Variants in AGAP1 observed in about 807,000 individuals in gnomAD.
AGAP1 encodes ArfGAP with GTPase domain, ankyrin repeat and PH domain 1.
Under a neutral mutation model 105.3 loss-of-function variants are expected in AGAP1, and 29 were observed. The ratio of observed to expected loss-of-function variants is 0.28; its 90% confidence interval spans 0.21 to 0.38. AGAP1 has a LOEUF of 0.38. Ranked by LOEUF, AGAP1 falls within the 10% of genes least tolerant of loss-of-function variation. The pLI is 1.00. For synonymous variants in AGAP1, 509 were observed against 485.9 expected (o/e 1.05, Z -0.63); for missense variants, 998 against 1,165.1 (o/e 0.86, Z 2.09).
rs956286600 is a variant in AGAP1, at chr2:236,104,905, A to G, written c.2115-15287A>G. On this transcript the variant is annotated intron_variant, in intron 16 of 17. Transcript: ENST00000304032. The surrounding 1 kb of genome is among the most constrained non-coding windows in gnomAD (Gnocchi z 4.7). ...ACAGAGCGAGACTCTGTCTCAAGGA[A>G]AAAAAAAAGGACTAGCGTGCACAGA... Among the ~76,000 whole-genome samples, 5 of 151,080 alleles carry G rather than the reference A, an allele frequency of 3.3e-5. No individual in the cohort carries two copies. Among genetic ancestry groups the G allele is most frequent in the South Asian group, 2.1e-4 (1 of 4,756 alleles).
chr2:235,685,752 G>A (rs1315098162), intron 1 of AGAP1, among the ~76,000 whole-genome samples: 1 of 151,934 alleles, frequency 6.6e-6, no homozygotes, highest in African/African-American at 2.4e-5. Flanking sequence ...ATTTGAGACG[G>A]GTCTCAGTTA....
At chr2:235,520,539 G>A (rs1043805199) in intron 1 of AGAP1, among the ~76,000 whole-genome samples, 4 of 152,144 alleles carry the variant, frequency 2.6e-5, no homozygotes, top group African/African-American at 9.7e-5. Context: ...ACTCCTTTCT[G>A]GGCGGGTCTG....
rs1951550546 is a variant in AGAP1 at position 235,724,463 on chromosome 2, T to C, written c.310+6819T>C. 2.0e-5 allele frequency among the ~76,000 whole-genome samples: 3 copies of C among 152,112 alleles called. No individual in the cohort carries two copies. Among genetic ancestry groups the C allele is most frequent in the Non-Finnish European group, 4.4e-5 (3 of 68,012 alleles). ...CATTCATTTTCCCGATAGAATATGA[T>C]AGCTGAGGTAGCTGGAAGAGTATGG... On this transcript the variant is annotated intron_variant, in intron 3 of 17. Coordinates refer to ENST00000304032, the MANE Select transcript of AGAP1 (RefSeq NM_001037131.3). The surrounding 1 kb of genome is among the most constrained non-coding windows in gnomAD (Gnocchi z 4.9).
intron 16 of AGAP1, among the ~76,000 whole-genome samples, chr2:236,079,922 C>T (rs1225063423): frequency 1.3e-5 from 2 of 152,202 alleles, no homozygotes; most frequent in Non-Finnish European, 2.9e-5. Context: ...TCCAGTTTCA[C>T]GGAGCTGGTC....
At chr2:235,607,464 A>C (rs1409654693) in intron 1 of AGAP1, among the ~76,000 whole-genome samples, 1 of 152,242 alleles carries the variant, frequency 6.6e-6, no homozygotes. Context: ...AGCCCAGGGC[A>C]GGAGGAGCTG....
intron 10 of AGAP1, among the ~76,000 whole-genome samples, chr2:235,884,287 G>A (rs1373856703): frequency 6.6e-6 from 1 of 152,046 alleles, no homozygotes; most frequent in East Asian, 1.9e-4. Flanking sequence ...TATATTAAAT[G>A]GCATAGTATC....
At chr2:235,613,884 G>T (rs550460881) in intron 1 of AGAP1, among the ~76,000 whole-genome samples, 1 of 152,230 alleles carries the variant, frequency 6.6e-6, no homozygotes, top group Non-Finnish European at 1.5e-5. Flanking sequence ...CGTGTGGCCC[G>T]CAGGGTGGCC....
chr2:236,102,298 T>C (rs1372509195), intron 16 of AGAP1, among the ~76,000 whole-genome samples: 2 of 145,280 alleles, frequency 1.4e-5, no homozygotes, highest in African/African-American at 4.9e-5. Flanking sequence ...GTGCCTGTGG[T>C]CCGAGCCACT....
chr2:236,111,584 A>G (rs1478006869), intron 16 of AGAP1, among the ~76,000 whole-genome samples: 1 of 151,962 alleles, frequency 6.6e-6, no homozygotes, highest in South Asian at 2.1e-4. Flanking sequence ...TGAGTCCAGG[A>G]GTTTGAGACC....
intron 11 of AGAP1, among the ~76,000 whole-genome samples, chr2:235,911,592 A>G (rs1194033209): frequency 1.3e-5 from 2 of 152,244 alleles, no homozygotes; most frequent in Non-Finnish European, 2.9e-5. Context: ...TTTTAAGTAG[A>G]TAATACAAAG....
chr2:235,879,934 A>C lies in AGAP1; in HGVS notation c.1051-3411A>C, dbSNP rs2049926390. Among the ~76,000 whole-genome samples the C allele has an allele frequency of 6.6e-6, 1 of 151,896 alleles. No individual in the cohort carries two copies. The highest frequency in any genetic ancestry group is 2.1e-4 in the South Asian group (1 of 4,812). On this transcript the variant is annotated intron_variant, in intron 9 of 17. Coordinates refer to ENST00000304032, the MANE Select transcript of AGAP1 (RefSeq NM_001037131.3). This position sits in a 1 kb window ranked among gnomAD's most constrained non-coding sequence, Gnocchi z 5.0. ...AACCTGGGCAACAGAGCGAGACCTT[A>C]TCTCTACAAAAAACAGAAATAAAAA...
rs1440027077 is a variant in AGAP1 at position 235,971,167 on chromosome 2, G to T, written c.1645+2544G>T. Among the ~76,000 whole-genome samples the T allele has an allele frequency of 6.6e-6, 1 of 152,142 alleles. No individual in the cohort carries two copies. The highest frequency in any genetic ancestry group is 2.4e-5 in the African/African-American group (1 of 41,416). On this transcript the variant is annotated intron_variant, in intron 13 of 17. Transcript: ENST00000304032. This position sits in a 1 kb window ranked among gnomAD's most constrained non-coding sequence, Gnocchi z 4.8. The stretch of plus-strand genomic sequence containing the variant: ...CTTTCCAATAGCAAATAAGTCATAA[G>T]TTATTTATAAAAAGAAAATGTATCA...
rs1042401192 is a variant in AGAP1 at position 235,976,596 on chromosome 2, A to G, written c.1645+7973A>G. The stretch of plus-strand genomic sequence containing the variant: ...CTTAAAGGGGTTAGATTCAGGTCCA[A>G]AAATGTTCATTGAGCACCTACTGCA... On this transcript the variant is annotated intron_variant, in intron 13 of 17. Transcript: ENST00000304032. This position sits in a 1 kb window ranked among gnomAD's most constrained non-coding sequence, Gnocchi z 4.5. 1.7e-4 allele frequency among the ~76,000 whole-genome samples: 26 copies of G among 152,208 alleles called. No homozygotes were observed. Among genetic ancestry groups the G allele is most frequent in the African/African-American group, 6.3e-4 (26 of 41,446 alleles).
At chr2:236,093,690 T>G (rs2059121091) in intron 16 of AGAP1, among the ~76,000 whole-genome samples, 1 of 152,138 alleles carries the variant, frequency 6.6e-6, no homozygotes. Flanking sequence ...TGGTGAAAAC[T>G]GAATATGGAC....
Position 235,739,966 on chromosome 2 carries a change from T to G in AGAP1, c.311-997T>G, listed in dbSNP as rs1360022052. On this transcript the variant is annotated intron_variant, in intron 3 of 17. Coordinates refer to ENST00000304032, the MANE Select transcript of AGAP1 (RefSeq NM_001037131.3). This position sits in a 1 kb window ranked among gnomAD's most constrained non-coding sequence, Gnocchi z 5.3. Reference sequence around the variant, plus strand: ...CAGCGATTTGGGGTTTAGACAGGGTTTCTGGACGGCATCTGCACAGAGGAG... The same window carrying G: ...CAGCGATTTGGGGTTTAGACAGGGTGTCTGGACGGCATCTGCACAGAGGAG... Among the ~76,000 whole-genome samples the G allele has an allele frequency of 6.6e-6, 1 of 152,188 alleles. No homozygotes were observed. Among genetic ancestry groups the G allele is most frequent in the African/African-American group, 2.4e-5 (1 of 41,460 alleles).
rs894285468 is a variant in AGAP1, at chr2:235,690,390, A to G, written c.164-18789A>G. Among the ~76,000 whole-genome samples the G allele has an allele frequency of 7.2e-5, 11 of 152,144 alleles. No individual in the cohort carries two copies. The highest frequency in any genetic ancestry group is 2.4e-4 in the African/African-American group (10 of 41,444). On this transcript the variant is annotated intron_variant, in intron 1 of 17. Transcript: ENST00000304032. The surrounding 1 kb of genome is among the most constrained non-coding windows in gnomAD (Gnocchi z 4.1). ...GAGGGAGCCTGGCTCTTCAGGTTAA[A>G]TTGTGTTTCAAAGGCAGAGCTCACA... is the stretch of plus-strand genomic sequence containing the variant.
intron 1 of AGAP1, among the ~76,000 whole-genome samples, chr2:235,624,754 T>C (rs1946587202): frequency 6.6e-6 from 1 of 152,130 alleles, no homozygotes; most frequent in Admixed American, 6.5e-5. Context: ...TTCCCAGTGT[T>C]GGAAGTGGGG....
chr2:235,593,168 T>C (rs1438738895), intron 1 of AGAP1, among the ~76,000 whole-genome samples: 1 of 152,174 alleles, frequency 6.6e-6, no homozygotes, highest in Non-Finnish European at 1.5e-5. Context: ...TGGAATCACC[T>C]GTGGCTCTCA....
In AGAP1 at chr2:235,566,472, G is replaced by GT. The variant is rs1353000943; in HGVS notation, c.163+71630dup. On this transcript the variant is annotated intron_variant, in intron 1 of 17. Transcript: ENST00000304032. This position sits in a 1 kb window ranked among gnomAD's most constrained non-coding sequence, Gnocchi z 5.2. ...GAGATCAATATTGATTTACTGTTTTGTTTTTTTATTTCCAGATAAGCATTC... is the reference window on the plus strand; with the variant it reads ...GAGATCAATATTGATTTACTGTTTTGTTTTTTTTATTTCCAGATAAGCATTC... 4 of 639,686 alleles carry GT rather than the reference G, an allele frequency of 6.3e-6. No individual in the cohort carries two copies. The highest frequency in any genetic ancestry group is 7.8e-6 in the Non-Finnish European group (4 of 514,830). 39.6% of individuals were successfully genotyped at this position (639,686 alleles called of 1,614,324 possible). A position where few individuals can be genotyped will look rare whatever the true frequency, so the allele number is the denominator to read the frequency against.
Sources: allele counts gnomAD v4.1 joint callset (sites outside exome capture counted in the v4.1 genomes callset), GRCh38; gene constraint gnomAD v4.1.1; non-coding constraint Gnocchi (gnomAD v3.1); transcripts MANE v1.5; gene names NCBI Gene and HGNC (gene_info 2026-07-23, HGNC 2026-07-21).